The following IMMP2L variants were observed in gnomAD, a reference collection of about 807,000 sequenced individuals.
IMMP2L encodes the protein inner mitochondrial membrane peptidase subunit 2.
Under a neutral mutation model 19.3 loss-of-function variants are expected in IMMP2L, and 18 were observed. The observed-to-expected ratio is 0.93, with a 90% CI of 0.64 to 1.38. The LOEUF is 1.38. Ranked by LOEUF, IMMP2L falls within the 40% of genes most tolerant of loss-of-function variation. IMMP2L has a pLI of 0.00. For missense variants in IMMP2L, 233 were observed against 218.2 expected, an observed-to-expected ratio of 1.07 and a Z score of -0.43; for synonymous variants, 76 against 73.0, an observed-to-expected ratio of 1.04 and a Z score of -0.21.
intron 5 of IMMP2L, among the ~76,000 whole-genome samples, chr7:110,739,456 A>T (rs573115694): frequency 5.9e-5 from 9 of 152,318 alleles, no homozygotes; most frequent in African/African-American, 2.2e-4. Flanking sequence ...AACAGCAGTT[A>T]AAAAAGACAA....
At position 111,157,734 on chromosome 7, in the gene IMMP2L, C is replaced by G. The variant is rs936640107; in HGVS notation, c.240-194169G>C. On this transcript the variant is annotated intron_variant, in intron 3 of 5. Coordinates refer to ENST00000405709, the MANE Select transcript of IMMP2L (RefSeq NM_032549.4). ...AAAAACTAAAAGAGTGTAATTGGAG[C>G]ATTTGTAACACAGAAAGAATAAATG... 2.0e-5 allele frequency among the ~76,000 whole-genome samples: 3 copies of G among 151,988 alleles called. No homozygotes were observed. In the South Asian group the frequency reaches 6.2e-4, roughly 31 times the overall value.
intron 3 of IMMP2L, among the ~76,000 whole-genome samples, chr7:110,971,521 C>T (rs551619926): frequency 6.6e-6 from 1 of 152,078 alleles, no homozygotes; most frequent in Non-Finnish European, 1.5e-5. Context: ...GTGCAGGGTC[C>T]CTCCCCTGAT....
intron 3 of IMMP2L, among the ~76,000 whole-genome samples, chr7:111,387,901 A>G (rs1831930381): frequency 2.0e-5 from 3 of 148,810 alleles, no homozygotes; most frequent in African/African-American, 7.5e-5. Context: ...ACCTGAAACC[A>G]GGAGGCAGAG....
chr7:110,685,253 T>G (rs1389799259), intron 5 of IMMP2L, among the ~76,000 whole-genome samples: 2 of 152,130 alleles, frequency 1.3e-5, no homozygotes, highest in Non-Finnish European at 2.9e-5. Context: ...AGCGCAAGCT[T>G]TGGAGTCAGA....
intron 3 of IMMP2L, among the ~76,000 whole-genome samples, chr7:111,237,274 T>C (rs1395968807): frequency 6.6e-6 from 1 of 152,134 alleles, no homozygotes; most frequent in Non-Finnish European, 1.5e-5. Context: ...AATGCTATCC[T>C]GTGCCTTAGA....
intron 3 of IMMP2L, among the ~76,000 whole-genome samples, chr7:111,306,781 T>C (rs1272194638): frequency 6.6e-6 from 1 of 151,896 alleles, no homozygotes; most frequent in Non-Finnish European, 1.5e-5. Context: ...CTGACTTTTA[T>C]CCTTTGGGCT....
At chr7:110,809,342 A>G (rs1011154580) in intron 5 of IMMP2L, among the ~76,000 whole-genome samples, 1 of 152,062 alleles carries the variant, frequency 6.6e-6, no homozygotes, top group Non-Finnish European at 1.5e-5. Context: ...AATACCTGTC[A>G]TGCCTATCAA....
In IMMP2L at chr7:111,407,070, T is replaced by C. The variant is rs960971872; in HGVS notation, c.239+80168A>G. Reference sequence around the variant, plus strand: ...TTGAGTAAGACACATAAATATGTGTTTTAGGGAAATGCAAATTAAATCCAA... The same window carrying C: ...TTGAGTAAGACACATAAATATGTGTCTTAGGGAAATGCAAATTAAATCCAA... On this transcript the variant is annotated intron_variant, in intron 3 of 5. Transcript: ENST00000405709. Among the ~76,000 whole-genome samples, 5 of 151,956 alleles carry C rather than the reference T, an allele frequency of 3.3e-5. No homozygotes were observed. In the East Asian group the frequency reaches 7.7e-4, roughly 23 times the overall value.
At chr7:111,504,357 G>T (rs1844646714) in intron 2 of IMMP2L, among the ~76,000 whole-genome samples, 2 of 152,006 alleles carry the variant, frequency 1.3e-5, no homozygotes, top group African/African-American at 4.8e-5. Context: ...CCATGCTCAT[G>T]GGTAGGAAGA....
At chr7:110,940,793 G>A (rs749376486) in intron 4 of IMMP2L, among the ~76,000 whole-genome samples, 3 of 152,122 alleles carry the variant, frequency 2.0e-5, no homozygotes, top group South Asian at 2.1e-4. Flanking sequence ...AAATACCTGA[G>A]GTGTCATGGG....
At chr7:110,978,181 A>T (rs2129557583) in intron 3 of IMMP2L, among the ~76,000 whole-genome samples, 1 of 152,170 alleles carries the variant, frequency 6.6e-6, no homozygotes, top group South Asian at 2.1e-4. Flanking sequence ...TAACAATATT[A>T]GTCCACTACT....
intron 3 of IMMP2L, among the ~76,000 whole-genome samples, chr7:111,398,488 G>C (rs1002054690): frequency 6.6e-6 from 1 of 152,036 alleles, no homozygotes; most frequent in African/African-American, 2.4e-5. Flanking sequence ...TGTAATAAAA[G>C]CCATTTATGA....
intron 3 of IMMP2L, among the ~76,000 whole-genome samples, chr7:111,229,479 T>C (rs1009142682): frequency 6.6e-6 from 1 of 152,098 alleles, no homozygotes; most frequent in Non-Finnish European, 1.5e-5. Context: ...TGGTTTCTGA[T>C]AGGAAAAGTA....
chr7:111,074,413 G>C (rs1563215513), intron 3 of IMMP2L, among the ~76,000 whole-genome samples: 1 of 152,192 alleles, frequency 6.6e-6, no homozygotes, highest in Non-Finnish European at 1.5e-5. Flanking sequence ...TAGCAATGCT[G>C]AAAAAGCCTT....
chr7:111,406,356 C>T (rs1480622961), intron 3 of IMMP2L, among the ~76,000 whole-genome samples: 1 of 152,090 alleles, frequency 6.6e-6, no homozygotes, highest in Non-Finnish European at 1.5e-5. Context: ...ACCACCCTAA[C>T]TCAAGTCACA....
intron 5 of IMMP2L, among the ~76,000 whole-genome samples, chr7:110,884,220 G>A (rs964199461): frequency 6.6e-6 from 1 of 151,804 alleles, no homozygotes; most frequent in Non-Finnish European, 1.5e-5. Flanking sequence ...AGAACATCAT[G>A]GCTACAATAG....
intron 3 of IMMP2L, among the ~76,000 whole-genome samples, chr7:110,968,585 A>G (rs1819804213): frequency 6.6e-6 from 1 of 152,112 alleles, no homozygotes; most frequent in African/African-American, 2.4e-5. Context: ...AGTTAGGTGG[A>G]TTGCTTGAGC....
chr7:111,031,536 CAA>C (rs1790822600), intron 3 of IMMP2L, among the ~76,000 whole-genome samples: 1 of 151,850 alleles, frequency 6.6e-6, no homozygotes, highest in African/African-American at 2.4e-5. Context: ...CGGATTATAA[CAA>C]AAAGTGTAAA....
chr7:111,008,503 C>A (rs1824548833), intron 3 of IMMP2L, among the ~76,000 whole-genome samples: 1 of 152,072 alleles, frequency 6.6e-6, no homozygotes, highest in African/African-American at 2.4e-5. Flanking sequence ...AGAAACTGTT[C>A]CTAGGCTCCT....
Sources: allele counts gnomAD v4.1 joint callset (sites outside exome capture counted in the v4.1 genomes callset), GRCh38; gene constraint gnomAD v4.1.1; transcripts MANE v1.5; gene names NCBI Gene and HGNC (gene_info 2026-07-23, HGNC 2026-07-21).